The following FTCD variants were observed in gnomAD, a reference collection of about 807,000 sequenced individuals.
The protein encoded by FTCD is formimidoyltransferase cyclodeaminase.
Under a neutral mutation model 62.9 loss-of-function variants are expected in FTCD, and 76 were observed. The observed-to-expected ratio is 1.21, with a 90% CI of 1.00 to 1.46. The LOEUF (loss-of-function observed/expected upper bound fraction) is 1.46, where lower values mean the gene tolerates loss of function less well. Ranked by LOEUF, FTCD falls within the 40% of genes most tolerant of loss-of-function variation. The pLI is 0.00. For missense variants in FTCD, 845 were observed against 751.3 expected, an observed-to-expected ratio of 1.12 and a Z score of -1.46; for synonymous variants, 397 against 336.9, an observed-to-expected ratio of 1.18 and a Z score of -1.95.
At chr21:46,143,601 G>C (rs1036836472) in intron 10 of FTCD, among the ~76,000 whole-genome samples, 2 of 152,164 alleles carry the variant, frequency 1.3e-5, no homozygotes, top group Non-Finnish European at 2.9e-5. Flanking sequence ...GCCATACACA[G>C]ATAGGAGTTG....
intron 10 of FTCD, 69 bp from the exon 11 acceptor site, chr21:46,138,992 A>C: frequency 2.5e-6 from 3 of 1,180,166 alleles, no homozygotes; most frequent in Non-Finnish European, 3.8e-6. Context: ...CTGAGCTCCC[A>C]CAAGGGGCTG....
intron 10 of FTCD, among the ~76,000 whole-genome samples, chr21:46,140,044 T>G (rs1182366189): frequency 6.6e-6 from 1 of 152,220 alleles, no homozygotes; most frequent in East Asian, 1.9e-4. Flanking sequence ...GAAATACAGT[T>G]TTCTATTCCA....
chr21:46,149,262 T>C (rs900762899), intron 7 of FTCD, among the ~76,000 whole-genome samples: 3 of 152,058 alleles, frequency 2.0e-5, no homozygotes, highest in African/African-American at 7.2e-5. Context: ...GGAAAACCAC[T>C]GTGAATCCAG....
At position 46,150,518 on chromosome 21, in the gene FTCD, C is replaced by T. The variant is rs147140166; in HGVS notation, c.644G>A (p.Arg215His). The T allele has an allele frequency of 4.1e-5, 66 of 1,613,158 alleles. No homozygotes were observed. In the African/African-American group the frequency reaches 4.3e-4, roughly 10 times the overall value. The change falls in exon 6 of 14, where the codon CGT becomes CAT. Residue 215 changes from arginine to histidine, a missense_variant. By Grantham distance (29) the Arg-to-His change is conservative. Transcript: ENST00000397746. ...GCCAATGCCCTGAACTTTCTTCAGACGTCCTGGCTGCAAAGGAAGAGCGTT... is the reference window on the plus strand; with the variant it reads ...GCCAATGCCCTGAACTTTCTTCAGATGTCCTGGCTGCAAAGGAAGAGCGTT... ...EQGRGKDQPG[R>H]LKKVQGIGWY... is the part of the protein sequence containing the mutation.
At chr21:46,145,167 C>T (rs1213835235) in intron 10 of FTCD, among the ~76,000 whole-genome samples, 9 of 152,218 alleles carry the variant, frequency 5.9e-5, no homozygotes, top group Non-Finnish European at 2.9e-5. Flanking sequence ...TTCCCTTGTA[C>T]CGGCTGCCAT....
rs896845617 is a variant in FTCD, at chr21:46,153,008, T to C, written c.266A>G (p.Asp89Gly). ...QGEHPRMGAL[D>G]VCPFIPVRGV... Reference sequence around the variant, plus strand: ...CCTCACGGGGATGAAGGGGCAGACGTCTAGGGCCCCCATGCGGGGGTGCTC... The same window carrying C: ...CCTCACGGGGATGAAGGGGCAGACGCCTAGGGCCCCCATGCGGGGGTGCTC... The change falls in exon 3 of 14, where the codon GAC becomes GGC. Residue 89 changes from aspartate to glycine, a missense_variant. Physicochemically the swap from Asp to Gly is moderately conservative, Grantham distance 94 (BLOSUM62 -1). Coordinates refer to ENST00000397746, the MANE Select transcript of FTCD (RefSeq NM_206965.2). 5.8e-6 allele frequency: 9 copies of C among 1,550,054 alleles called. No homozygotes were observed. The highest frequency in any genetic ancestry group is 2.4e-5 in the East Asian group (1 of 40,988).
chr21:46,141,139 T>C (rs974625212), intron 10 of FTCD, among the ~76,000 whole-genome samples: 2 of 152,212 alleles, frequency 1.3e-5, no homozygotes, highest in African/African-American at 4.8e-5. Context: ...ATGTTTTATA[T>C]ACATATGTTT....
Position 46,145,585 on chromosome 21 carries a change from G to C in FTCD, c.1099-7C>G. 6.5e-7 allele frequency: 1 copy of C among 1,532,242 alleles called. No individual in the cohort carries two copies. Among genetic ancestry groups the C allele is most frequent in the Non-Finnish European group, 8.8e-7 (1 of 1,137,032 alleles). The allele number at this position is 1,532,242 out of a possible 1,614,324, so 94.9% of individuals were successfully genotyped here. A position where few individuals can be genotyped will look rare whatever the true frequency, so the allele number is the denominator to read the frequency against. On this transcript the variant is annotated splice_polypyrimidine_tract_variant and splice_region_variant and intron_variant, in intron 9 of 13. Coordinates refer to ENST00000397746, the MANE Select transcript of FTCD (RefSeq NM_206965.2). ...TGGAGCCCAGCGCCGCACCCTGCGA[G>C]AGGGGTGGATGTGGGGGTCGCAGGG... is the stretch of plus-strand genomic sequence containing the variant.
chr21:46,141,182 G>A (rs1347441627), intron 10 of FTCD, among the ~76,000 whole-genome samples: 1 of 152,158 alleles, frequency 6.6e-6, no homozygotes, highest in Non-Finnish European at 1.5e-5. Flanking sequence ...CTGTTGCCCA[G>A]GCTAGAGTGC....
chr21:46,142,946 C>G (rs961295943), intron 10 of FTCD, among the ~76,000 whole-genome samples: 12 of 152,136 alleles, frequency 7.9e-5, no homozygotes, highest in African/African-American at 2.7e-4. Flanking sequence ...ACCCCAGTAG[C>G]TAGACACAGT....
rs2079135002 is a variant in FTCD, at chr21:46,145,877, C to T, written c.1039G>A (p.Val347Met). The T allele has an allele frequency of 6.9e-7, 1 of 1,458,274 alleles. No individual in the cohort carries two copies. The highest frequency in any genetic ancestry group is 9.0e-7 in the Non-Finnish European group (1 of 1,110,832). 90.3% of individuals were successfully genotyped at this position (1,458,274 alleles called of 1,614,324 possible). The change falls in exon 9 of 14, where the codon GTG becomes ATG. Residue 347 changes from valine to methionine, a missense_variant. By Grantham distance (21) the Val-to-Met change is conservative. Transcript: ENST00000397746. Reference protein sequence around the residue: ...SKSLRAFVGEVGARSAAPGGG... With the variant: ...SKSLRAFVGEMGARSAAPGGG... ...CCGGGGGCCGCAGAGCGGGCACCCA[C>T]CTCCCCCACGAAGGCGCGCAGGGAC...
At chr21:46,138,276 G>A (rs891408335) in intron 12 of FTCD, among the ~76,000 whole-genome samples, 1 of 152,226 alleles carries the variant, frequency 6.6e-6, no homozygotes, top group Non-Finnish European at 1.5e-5. Context: ...GTCAGGGTGG[G>A]CTCTGCAGAC....
chr21:46,139,000 C>CTGTA, intron 10 of FTCD, 77 bp from the exon 11 acceptor site: 3 of 1,118,036 alleles, frequency 2.7e-6, no homozygotes, highest in Non-Finnish European at 4.1e-6. Flanking sequence ...CCACAAGGGG[C>CTGTA]TGTAGCAAGG....
intron 10 of FTCD, 75 bp downstream of exon 10, chr21:46,145,342 C>T (rs2079114219): frequency 6.3e-6 from 8 of 1,264,600 alleles, no homozygotes; most frequent in East Asian, 2.6e-5. Context: ...GAGGCTGACC[C>T]GCTTCTCACT....
intron 10 of FTCD, 152 bp from the exon 11 acceptor site, chr21:46,139,075 C>A (rs934234934): frequency 1.3e-5 from 9 of 698,506 alleles, no homozygotes; most frequent in African/African-American, 3.5e-5. Flanking sequence ...TGGTTTATAG[C>A]CCTTAGCATC....
intron 8 of FTCD, 137 bp from the exon 9 acceptor site, chr21:46,146,084 G>A (rs1304463347): frequency 1.5e-5 from 11 of 713,498 alleles, no homozygotes; most frequent in Non-Finnish European, 2.5e-5. Flanking sequence ...GCGGGGACCC[G>A]GCCGGGGTCT....
chr21:46,154,222 C>T lies in FTCD; in HGVS notation c.165G>A (p.Pro55=), dbSNP rs143451664. The T allele has an allele frequency of 7.4e-6, 12 of 1,612,720 alleles. No homozygotes were observed. The highest frequency in any genetic ancestry group is 5.5e-5 in the South Asian group (5 of 91,080). The change falls in exon 2 of 14, where the codon CCG becomes CCA. Residue 55 remains proline, a synonymous_variant. Transcript: ENST00000397746. The stretch of plus-strand genomic sequence containing the variant: ...TGAGGGCCCCCTCCACCACGCACTC[C>T]GGCGGCCCCACGAAGGTGTACACGG... ...NRTVYTFVGP[P]ECVVEGALNA...
chr21:46,136,758 A>G, downstream of FTCD: 3 of 1,492,398 alleles, frequency 2.0e-6, no homozygotes, highest in Admixed American at 4.5e-5. Flanking sequence ...TGCCCCCAAA[A>G]CCGCCAACAC....
At chr21:46,154,605 C>T (rs1037820641) in intron 1 of FTCD, among the ~76,000 whole-genome samples, 11 of 152,244 alleles carry the variant, frequency 7.2e-5, no homozygotes, top group Admixed American at 5.9e-4. Context: ...GGCTCTGCTC[C>T]GACAGACAGA....
Sources: gnomAD v4.1 joint callset for allele counts (sites outside exome capture counted in the v4.1 genomes callset) on GRCh38, gnomAD v4.1.1 for gene constraint, MANE v1.5 for transcripts, NCBI Gene and HGNC (gene_info 2026-07-23, HGNC 2026-07-21) for gene names.